Variants in SYT6 observed in about 807,000 individuals in gnomAD.
SYT6 encodes the protein synaptotagmin-6.
Under a neutral mutation model 38.4 loss-of-function variants are expected in SYT6, and 24 were observed. The ratio of observed to expected loss-of-function variants is 0.62; its 90% CI spans 0.45 to 0.88. SYT6 has a LOEUF of 0.88. Among genes scored for constraint, SYT6 ranks in the 40% least tolerant of loss-of-function variants. The pLI, the probability that SYT6 is intolerant of heterozygous loss-of-function variation, is 0.00. For synonymous variants in SYT6, 265 were observed against 241.9 expected (o/e 1.10, Z -0.89); for missense variants, 611 against 621.0 (o/e 0.98, Z 0.17).
At chr1:114,118,666 C>T (rs575941327) in intron 3 of SYT6, among the ~76,000 whole-genome samples, 9 of 152,326 alleles carry the variant, frequency 5.9e-5, no homozygotes, top group South Asian at 2.1e-4. Context: ...GCTGTCCCCG[C>T]GGCTCAGGTT....
intron 3 of SYT6, among the ~76,000 whole-genome samples, chr1:114,109,909 T>C (rs1676571308): frequency 6.6e-6 from 1 of 152,224 alleles, no homozygotes; most frequent in Non-Finnish European, 1.5e-5. Context: ...TTTTGCTTTT[T>C]TTCTCTGGAG....
At chr1:114,112,375 C>T (rs964242773) in intron 3 of SYT6, among the ~76,000 whole-genome samples, 2 of 152,210 alleles carry the variant, frequency 1.3e-5, no homozygotes, top group African/African-American at 4.8e-5. Flanking sequence ...TTCAGAGAAA[C>T]AGATGGTCTT....
intron 3 of SYT6, among the ~76,000 whole-genome samples, chr1:114,118,862 A>G (rs1043429104): frequency 7.2e-5 from 11 of 152,174 alleles, no homozygotes; most frequent in Non-Finnish European, 1.6e-4. Context: ...CGGGAGTGGA[A>G]ATAGCCCATT....
At chr1:114,105,587 C>T (rs929736767) in intron 3 of SYT6, among the ~76,000 whole-genome samples, 12 of 152,262 alleles carry the variant, frequency 7.9e-5, no homozygotes, top group East Asian at 1.9e-4. Context: ...ACGTGGCCTC[C>T]GCAGAGCCAG....
intron 3 of SYT6, 68 bp from the exon 4 acceptor site, chr1:114,103,789 A>G: frequency 6.4e-7 from 1 of 1,564,212 alleles, no homozygotes. Context: ...CCAGTGCAGT[A>G]TCTGCTGGGG....
Position 114,103,660 on chromosome 1 carries a change from AG to A in SYT6, c.1132del (p.Leu378SerfsTer5). ...CCGACACTTAATCACTGTGAGGGTG[AG>A]CCTGCCTGCAGTGGGCAGGTAGCAA... ...SLCYLPTAGR[L>X]TLTVIKCRNL... is the part of the protein sequence containing the mutation. On this transcript the variant is annotated frameshift_variant, in exon 4 of 8. Coordinates refer to ENST00000610222, the MANE Select transcript of SYT6 (RefSeq NM_001253772.2). LOFTEE classifies it high-confidence loss of function. The A allele has an allele frequency of 6.2e-7, 1 of 1,614,196 alleles. No individual in the cohort carries two copies. Among genetic ancestry groups the A allele is most frequent in the Non-Finnish European group, 8.5e-7 (1 of 1,180,038 alleles).
chr1:114,101,414 G>A (rs964568886), intron 4 of SYT6, among the ~76,000 whole-genome samples: 10 of 152,166 alleles, frequency 6.6e-5, no homozygotes, highest in Non-Finnish European at 1.5e-5. Context: ...AAGACCAGCA[G>A]TGTATTTCAG....
At chr1:114,097,519 C>A (rs545291972) in intron 6 of SYT6, among the ~76,000 whole-genome samples, 97 of 152,338 alleles carry the variant, frequency 6.4e-4, no homozygotes, top group African/African-American at 2.3e-3. Flanking sequence ...GTGTTGCTTT[C>A]AAAATGCCCA....
chr1:114,123,209 G>A (rs1338916344), intron 3 of SYT6, among the ~76,000 whole-genome samples: 1 of 152,196 alleles, frequency 6.6e-6, no homozygotes, highest in African/African-American at 2.4e-5. Context: ...GGTGCCTCAA[G>A]TCACAAAGCT....
chr1:114,142,618 TCAGACAGCGGTG>T (rs1296990182), intron 1 of SYT6, among the ~76,000 whole-genome samples: 1 of 152,214 alleles, frequency 6.6e-6, no homozygotes, highest in Non-Finnish European at 1.5e-5. Context: ...TAAAATGCTA[TCAGACAGCGGTG>T]CATGCTACAG....
chr1:114,135,966 G>A (rs1678455543), intron 3 of SYT6, among the ~76,000 whole-genome samples: 1 of 152,156 alleles, frequency 6.6e-6, no homozygotes, highest in Non-Finnish European at 1.5e-5. Flanking sequence ...CTCGGGCCTG[G>A]GGCTGCCACA....
intron 7 of SYT6, among the ~76,000 whole-genome samples, 186 bp from the exon 8 acceptor site, chr1:114,092,268 A>G (rs577463471): frequency 6.7e-6 from 1 of 150,282 alleles, no homozygotes; most frequent in East Asian, 2.0e-4. Context: ...GGAATACCTG[A>G]TTTTCAAAAA....
At chr1:114,129,076 C>T (rs1677925326) in intron 3 of SYT6, among the ~76,000 whole-genome samples, 1 of 152,174 alleles carries the variant, frequency 6.6e-6, no homozygotes, top group Admixed American at 6.5e-5. Flanking sequence ...TCTTCCTCCC[C>T]ATATGGGTTC....
At chr1:114,109,559 G>A (rs184648333) in intron 3 of SYT6, among the ~76,000 whole-genome samples, 55 of 152,322 alleles carry the variant, frequency 3.6e-4, no homozygotes, top group Non-Finnish European at 4.0e-4. Context: ...TAGGGTTGCC[G>A]CAGAGATTAA....
chr1:114,145,024 C>T (rs1679085132), intron 1 of SYT6, among the ~76,000 whole-genome samples: 1 of 152,142 alleles, frequency 6.6e-6, no homozygotes, highest in Non-Finnish European at 1.5e-5. Context: ...TAGTCCTTCA[C>T]CTGGAGACTG....
At position 114,143,748 on chromosome 1, in the gene SYT6, G is replaced by C. The variant is rs1679001135; in HGVS notation, c.164-3785C>G. Among the ~76,000 whole-genome samples, 13 of 152,210 alleles carry C rather than the reference G, an allele frequency of 8.5e-5. No homozygotes were observed. In the South Asian group the frequency reaches 2.7e-3, roughly 32 times the overall value. ...CCTCCATTCCTGTGGCTATTCAAGA[G>C]CTTTGCTGTAAAACTGGTATTTTAA... is the stretch of plus-strand genomic sequence containing the variant. On this transcript the variant is annotated intron_variant, in intron 1 of 7. Coordinates refer to ENST00000610222, the MANE Select transcript of SYT6 (RefSeq NM_001253772.2).
At chr1:114,126,718 AT>A (rs1213130107) in intron 3 of SYT6, among the ~76,000 whole-genome samples, 1 of 152,216 alleles carries the variant, frequency 6.6e-6, no homozygotes, top group African/African-American at 2.4e-5. Context: ...TTAGATATTT[AT>A]TCCATCCAAA....
chr1:114,144,974 A>C (rs935408093), intron 1 of SYT6, among the ~76,000 whole-genome samples: 19 of 152,076 alleles, frequency 1.2e-4, no homozygotes, highest in Admixed American at 9.2e-4. Flanking sequence ...CTCCCTGCAC[A>C]GGGACATTAG....
rs535027942 is a variant in SYT6 at position 114,144,106 on chromosome 1, T to C, written c.164-4143A>G. Among the ~76,000 whole-genome samples, 7 of 152,316 alleles carry C rather than the reference T, an allele frequency of 4.6e-5. No homozygotes were observed. The South Asian group carries it at 1.5e-3, about 32-fold the overall frequency. ...ATGATTGAAACGTTAAGAAATTCCA[T>C]CATCATCGTCACCCCAGACTTCTGA... On this transcript the variant is annotated intron_variant, in intron 1 of 7. Transcript: ENST00000610222.
Sources: gnomAD v4.1 joint callset for allele counts (sites outside exome capture counted in the v4.1 genomes callset) on GRCh38, gnomAD v4.1.1 for gene constraint, MANE v1.5 for transcripts, NCBI Gene and HGNC (gene_info 2026-07-23, HGNC 2026-07-21) for gene names.